RBFOX1: variants seen among roughly 807,000 people sequenced by gnomAD.
RBFOX1 encodes RNA binding fox-1 homolog 1.
Under a neutral mutation model 57.7 loss-of-function variants are expected in RBFOX1, and 8 were observed. The observed-to-expected ratio is 0.14, with a 90% CI of 0.08 to 0.25. RBFOX1 has a LOEUF of 0.25. Ranked by LOEUF, RBFOX1 falls within the 10% of genes least tolerant of loss-of-function variation. The pLI is 1.00. For synonymous variants in RBFOX1, 326 were observed against 222.4 expected, an observed-to-expected ratio of 1.47 and a Z score of -4.15; for missense variants, 611 against 548.5, an observed-to-expected ratio of 1.11 and a Z score of -1.14.
chr16:7,011,781 T>C (rs2093665287), intron 3 of RBFOX1, among the ~76,000 whole-genome samples: 1 of 152,238 alleles, frequency 6.6e-6, no homozygotes, highest in African/African-American at 2.4e-5. Flanking sequence ...TCCAAAGTGC[T>C]GGGATTACAG....
rs201003396 is a variant in RBFOX1, at chr16:7,036,710, CA to C, written c.-15-15339del. ...TCCGTCTCAAAAACAAACAAACAAA[CA>C]AAAAAAACAAAAAACAAACAAAGAA... is the stretch of plus-strand genomic sequence containing the variant. On this transcript the variant is annotated intron_variant, in intron 3 of 15. Coordinates refer to ENST00000550418, the MANE Select transcript of RBFOX1 (RefSeq NM_018723.4). Among the ~76,000 whole-genome samples the C allele has an allele frequency of 3.9e-5, 5 of 128,102 alleles. No individual in the cohort carries two copies. The East Asian group carries it at 8.8e-4, about 22-fold the overall frequency. The allele number at this position is 128,102 out of a possible 152,430, so 84.0% of individuals were successfully genotyped here. A position where few individuals can be genotyped will look rare whatever the true frequency, so the allele number is the denominator to read the frequency against.
Position 6,317,042 on chromosome 16 carries a change from T to C in RBFOX1, c.-79T>C. 6.5e-7 allele frequency: 1 copy of C among 1,535,474 alleles called. No homozygotes were observed. The highest frequency in any genetic ancestry group is 8.7e-7 in the Non-Finnish European group (1 of 1,146,428). On this transcript the variant is annotated 5_prime_UTR_variant, in exon 2 of 16. Transcript: ENST00000550418. ...CAAGTGGAACTTACAGCTTCCTTGA[T>C]CGGACTCAGCATTCAGTAAGTGCAA...
At chr16:5,781,234 G>A (rs1221904719) in intron 3 of RBFOX1, among the ~76,000 whole-genome samples, 1 of 152,152 alleles carries the variant, frequency 6.6e-6, no homozygotes, top group Admixed American at 6.5e-5. Flanking sequence ...AGGGAGGAAG[G>A]GTGCATCCTC....
intron 1 of RBFOX1, among the ~76,000 whole-genome samples, chr16:5,369,576 C>T (rs1057105718): frequency 3.9e-5 from 6 of 152,226 alleles, no homozygotes; most frequent in Admixed American, 6.5e-5. Flanking sequence ...TAGGAGACCT[C>T]GGCATCATGC....
At chr16:6,959,817 A>G (rs943683812) in intron 3 of RBFOX1, among the ~76,000 whole-genome samples, 5 of 152,150 alleles carry the variant, frequency 3.3e-5, no homozygotes, top group Non-Finnish European at 7.3e-5. Context: ...GGCACCTGTA[A>G]TTCCAGCTAC....
At chr16:7,112,283 A>T (rs1003615098) in intron 4 of RBFOX1, among the ~76,000 whole-genome samples, 1 of 151,858 alleles carries the variant, frequency 6.6e-6, no homozygotes, top group Non-Finnish European at 1.5e-5. Context: ...GCTCACTGCA[A>T]CCTCCACCTT....
intron 4 of RBFOX1, among the ~76,000 whole-genome samples, chr16:7,488,344 G>A (rs1803212304): frequency 6.6e-6 from 1 of 152,118 alleles, no homozygotes; most frequent in African/African-American, 2.4e-5. Flanking sequence ...TAGCTAGATA[G>A]TTGGATAGAT....
At chr16:6,845,118 C>T (rs956688645) in intron 3 of RBFOX1, among the ~76,000 whole-genome samples, 1 of 148,674 alleles carries the variant, frequency 6.7e-6, no homozygotes, top group African/African-American at 2.5e-5. Context: ...CATTGTCTGC[C>T]ATTCTGTGGG....
At chr16:6,545,294 C>T (rs908441115) in intron 2 of RBFOX1, among the ~76,000 whole-genome samples, 1 of 152,130 alleles carries the variant, frequency 6.6e-6, no homozygotes, top group Non-Finnish European at 1.5e-5. Context: ...CATCTTTTCC[C>T]CCTCCTGGCC....
intron 4 of RBFOX1, among the ~76,000 whole-genome samples, chr16:7,392,518 A>C (rs938241696): frequency 3.9e-5 from 6 of 152,162 alleles, no homozygotes; most frequent in Admixed American, 6.5e-5. Flanking sequence ...TGAATGGGAG[A>C]TATTTAGGGT....
At chr16:6,374,169 G>C (rs1038916647) in intron 2 of RBFOX1, among the ~76,000 whole-genome samples, 2 of 152,208 alleles carry the variant, frequency 1.3e-5, no homozygotes, top group African/African-American at 2.4e-5. Flanking sequence ...TGGATATTCA[G>C]TTGCCCCAAA....
At position 6,658,927 on chromosome 16, in the gene RBFOX1, G is replaced by GTTTTTTT. The variant is rs1568088702; in HGVS notation, c.-16+4277_-16+4278insTTTTTTT. 8.0e-4 allele frequency among the ~76,000 whole-genome samples: 100 copies of GTTTTTTT among 124,940 alleles called. 1 individual carries two copies. The highest frequency in any genetic ancestry group is 3.8e-3 in the Middle Eastern group (1 of 260). The allele number at this position is 124,940 out of a possible 152,430, so 82.0% of individuals were successfully genotyped here. A position where few individuals can be genotyped will look rare whatever the true frequency, so the allele number is the denominator to read the frequency against. The stretch of plus-strand genomic sequence containing the variant: ...CAGGTTTTTTGTTTTTTTGTTTTTT[G>GTTTTTTT]GTTTTTTTGTTTTTTTTGTTTTTTT... On this transcript the variant is annotated intron_variant, in intron 3 of 15. Transcript: ENST00000550418.
At chr16:6,761,789 G>A (rs1042391927) in intron 3 of RBFOX1, among the ~76,000 whole-genome samples, 1 of 151,980 alleles carries the variant, frequency 6.6e-6, no homozygotes, top group Non-Finnish European at 1.5e-5. Flanking sequence ...ACAGGCATGA[G>A]CCACCACGCC....
chr16:5,743,749 C>T (rs1033430220), intron 3 of RBFOX1, among the ~76,000 whole-genome samples: 1 of 152,100 alleles, frequency 6.6e-6, no homozygotes, highest in Non-Finnish European at 1.5e-5. Context: ...TGCTGTGTTG[C>T]CCTGGCTTGT....
intron 1 of RBFOX1, among the ~76,000 whole-genome samples, chr16:5,281,808 G>T (rs2063277845): frequency 6.6e-6 from 1 of 152,166 alleles, no homozygotes; most frequent in South Asian, 2.1e-4. Flanking sequence ...TTCAGTCTGT[G>T]TGTGTCTTTA....
intron 2 of RBFOX1, among the ~76,000 whole-genome samples, chr16:6,387,593 C>T (rs916564991): frequency 6.6e-6 from 1 of 152,090 alleles, no homozygotes; most frequent in African/African-American, 2.4e-5. Flanking sequence ...CAGGCACCAG[C>T]TCAAGGTTAT....
chr16:5,974,330 C>T (rs1825186538), intron 4 of RBFOX1, among the ~76,000 whole-genome samples: 3 of 152,170 alleles, frequency 2.0e-5, no homozygotes, highest in Non-Finnish European at 4.4e-5. Context: ...AGATCTGGGC[C>T]AGGCACGGTG....
At chr16:5,708,927 G>C (rs1045484013) in intron 3 of RBFOX1, among the ~76,000 whole-genome samples, 14 of 152,142 alleles carry the variant, frequency 9.2e-5, no homozygotes, top group African/African-American at 3.4e-4. Context: ...GCAAGAAGAG[G>C]AATGAAAACA....
chr16:6,205,273 T>C (rs898737694), intron 1 of RBFOX1, among the ~76,000 whole-genome samples: 4 of 152,180 alleles, frequency 2.6e-5, no homozygotes, highest in African/African-American at 9.7e-5. Flanking sequence ...TAATGTTGCC[T>C]AGAAGAAAGG....
Sources: allele counts gnomAD v4.1 joint callset (sites outside exome capture counted in the v4.1 genomes callset), GRCh38; gene constraint gnomAD v4.1.1; transcripts MANE v1.5; gene names NCBI Gene and HGNC (gene_info 2026-07-23, HGNC 2026-07-21).